The following EPAS1 variants were observed in gnomAD, a reference collection of about 807,000 sequenced individuals.
The protein encoded by EPAS1 is endothelial PAS domain protein 1, also known as endothelial PAS domain-containing protein 1.
A neutral mutation model predicts 87.9 loss-of-function variants in EPAS1; 23 were observed. The ratio of observed to expected loss-of-function variants is 0.26; its 90% CI spans 0.19 to 0.37. The LOEUF (loss-of-function observed/expected upper bound fraction) is 0.37. Among genes scored for constraint, EPAS1 ranks in the 10% least tolerant of loss-of-function variants. EPAS1 has a pLI of 1.00. For synonymous variants in EPAS1, 508 were observed against 444.3 expected (o/e 1.14, Z -1.80); for missense variants, 1,138 against 1,120.7 (o/e 1.02, Z -0.22).
At chr2:46,308,460 T>TGGGGG (rs3053639) in intron 1 of EPAS1, among the ~76,000 whole-genome samples, 7 of 109,218 alleles carry the variant, frequency 6.4e-5, no homozygotes, top group Non-Finnish European at 1.2e-4. Context: ...TGCTTTTTTT[T>TGGGGG]GGGGGGGGGG....
At chr2:46,308,858 C>G (rs915960303) in intron 1 of EPAS1, among the ~76,000 whole-genome samples, 1 of 152,194 alleles carries the variant, frequency 6.6e-6, no homozygotes, top group Admixed American at 6.5e-5. Context: ...CCCTGGGAAG[C>G]CTTCCCTGAT....
intron 1 of EPAS1, among the ~76,000 whole-genome samples, chr2:46,337,573 T>G (rs1683818950): frequency 6.6e-6 from 1 of 152,154 alleles, no homozygotes; most frequent in Non-Finnish European, 1.5e-5. Flanking sequence ...AATTTCTTTG[T>G]CAATTTTCTT....
intron 6 of EPAS1, among the ~76,000 whole-genome samples, chr2:46,368,072 G>A (rs1684540108): frequency 6.6e-6 from 1 of 152,232 alleles, no homozygotes; most frequent in Admixed American, 6.5e-5. Context: ...GTCAGCTGTT[G>A]AGGTTTTTAC....
chr2:46,310,189 C>A (rs1011960476), intron 1 of EPAS1, among the ~76,000 whole-genome samples: 1 of 150,694 alleles, frequency 6.6e-6, no homozygotes, highest in Non-Finnish European at 1.5e-5. Flanking sequence ...ACCCTCATCC[C>A]CATGTTCTCT....
chr2:46,338,097 C>G (rs1683832598), intron 1 of EPAS1, among the ~76,000 whole-genome samples: 1 of 152,144 alleles, frequency 6.6e-6, no homozygotes, highest in African/African-American at 2.4e-5. Flanking sequence ...GCTTATTGGC[C>G]TTGTAGGGAA....
In EPAS1 at chr2:46,380,308, T is replaced by C; in HGVS notation, c.1636T>C (p.Cys546Arg). The C allele has an allele frequency of 6.2e-7, 1 of 1,614,138 alleles. No individual in the cohort carries two copies. Among genetic ancestry groups the C allele is most frequent in the Non-Finnish European group, 8.5e-7 (1 of 1,180,018 alleles). Residue 546 changes from cysteine (C) to arginine (R), a missense_variant, in exon 12 of 16, where the codon TGC becomes CGC. Cys to Arg is a radical substitution (Grantham distance 180). Transcript: ENST00000263734. The surrounding 1 kb of genome is among the most constrained non-coding windows in gnomAD (Gnocchi z 4.4). ...GGAAGACTTCCAGCTAAGCCCCATCTGCCCCGAGGAGCGGCTCTTGGCGGA... is the reference window on the plus strand; with the variant it reads ...GGAAGACTTCCAGCTAAGCCCCATCCGCCCCGAGGAGCGGCTCTTGGCGGA... Reference protein sequence around the residue: ...DGEDFQLSPICPEERLLAENP... With the variant: ...DGEDFQLSPIRPEERLLAENP...
intron 12 of EPAS1, 21 bp from the exon 13 acceptor site, chr2:46,381,575 C>T: frequency 1.2e-6 from 2 of 1,613,936 alleles, no homozygotes; most frequent in Non-Finnish European, 1.7e-6. Context: ...CCCTCATAGC[C>T]TGCTCTCTCG....
At chr2:46,383,724 C>CT (rs1015187424) in intron 15 of EPAS1, among the ~76,000 whole-genome samples, 1 of 152,218 alleles carries the variant, frequency 6.6e-6, no homozygotes, top group Admixed American at 6.5e-5. Context: ...ATATCAAACT[C>CT]TTTTCTGACC....
chr2:46,298,579 G>T (rs1017647655), intron 1 of EPAS1, among the ~76,000 whole-genome samples: 1 of 152,268 alleles, frequency 6.6e-6, no homozygotes, highest in Non-Finnish European at 1.5e-5. Flanking sequence ...GAGTGACCTG[G>T]ATTGCCCTGC....
chr2:46,311,362 A>G (rs529960887), intron 1 of EPAS1, among the ~76,000 whole-genome samples: 14 of 152,112 alleles, frequency 9.2e-5, no homozygotes, highest in Non-Finnish European at 1.8e-4. Flanking sequence ...AGGGCCCTCT[A>G]CAGTTAGGTG....
chr2:46,367,263 A>G (rs750185289), intron 6 of EPAS1, among the ~76,000 whole-genome samples: 1 of 152,240 alleles, frequency 6.6e-6, no homozygotes, highest in Non-Finnish European at 1.5e-5. Flanking sequence ...TCTAATCTCG[A>G]AAGGAAATTT....
intron 1 of EPAS1, among the ~76,000 whole-genome samples, chr2:46,309,050 A>G (rs1683163981): frequency 6.6e-6 from 1 of 152,174 alleles, no homozygotes; most frequent in East Asian, 1.9e-4. Context: ...TTTTTTCCCC[A>G]CAGAAGTCAG....
At chr2:46,356,127 T>TTGGGGGGGGGGGGGGGGGG in intron 2 of EPAS1, 24 bp from the exon 3 acceptor site, 2 of 1,395,474 alleles carry the variant, frequency 1.4e-6, no homozygotes, top group Non-Finnish European at 2.0e-6. Context: ...TCATGCAAGC[T>TTGGGGGGGGGGGGGGGGGG]GTCCCACCCC....
At position 46,356,270 on chromosome 2, in the gene EPAS1, G is replaced by A. The variant is rs763113481; in HGVS notation, c.337G>A (p.Glu113Lys). Residue 113 changes from glutamate to lysine, a missense_variant, in exon 3 of 16, where the codon GAA becomes AAA. Physicochemically the swap from Glu to Lys is moderately conservative, Grantham distance 56 (BLOSUM62 1). Transcript: ENST00000263734. Reference protein sequence around the residue: ...TQDGDMIFLSENISKFMGLTQ... With the variant: ...TQDGDMIFLSKNISKFMGLTQ... Reference sequence around the variant, plus strand: ...AGATGGCGACATGATCTTTCTGTCAGAAAACATCAGCAAGTTCATGGGACT... The same window carrying A: ...AGATGGCGACATGATCTTTCTGTCAAAAAACATCAGCAAGTTCATGGGACT... The A allele has an allele frequency of 6.2e-7, 1 of 1,614,180 alleles. No homozygotes were observed. The highest frequency in any genetic ancestry group is 8.5e-7 in the Non-Finnish European group (1 of 1,180,040).
intron 6 of EPAS1, among the ~76,000 whole-genome samples, chr2:46,361,437 T>G (rs1684385202): frequency 6.6e-6 from 1 of 152,164 alleles, no homozygotes; most frequent in African/African-American, 2.4e-5. Flanking sequence ...TCTAGAGACT[T>G]CCATCTGTAC....
At chr2:46,297,964 G>C in intron 1 of EPAS1, 27 bp downstream of exon 1, 1 of 1,610,810 alleles carries the variant, frequency 6.2e-7, no homozygotes, top group Non-Finnish European at 8.5e-7. Flanking sequence ...GCCGATCAGG[G>C]GGCCGGTCCG....
intron 11 of EPAS1, chr2:46,379,707 A>C: frequency 5.5e-6 from 1 of 181,494 alleles, no homozygotes; most frequent in East Asian, 1.4e-4. Context: ...ATTGGAACCA[A>C]AGTCTCTGTC....
At chr2:46,319,921 C>T (rs894238575) in intron 1 of EPAS1, among the ~76,000 whole-genome samples, 1 of 152,202 alleles carries the variant, frequency 6.6e-6, no homozygotes, top group African/African-American at 2.4e-5. Flanking sequence ...TCAGTTTAAA[C>T]ATATTTAAGA....
chr2:46,316,796 C>T, intron 1 of EPAS1, among the ~76,000 whole-genome samples: 1 of 152,134 alleles, frequency 6.6e-6, no homozygotes, highest in Middle Eastern at 3.2e-3. Context: ...TCAGGAAAGA[C>T]TCTGCAGCAT....
Sources: allele counts gnomAD v4.1 joint callset (sites outside exome capture counted in the v4.1 genomes callset), GRCh38; gene constraint gnomAD v4.1.1; non-coding constraint Gnocchi (gnomAD v3.1); transcripts MANE v1.5; gene names NCBI Gene and HGNC (gene_info 2026-07-23, HGNC 2026-07-21).